Variants in AFDN observed in about 807,000 individuals in gnomAD.
AFDN encodes the protein afadin.
In AFDN, 68 loss-of-function variants were observed where a neutral mutation model predicts 216.6. The observed-to-expected ratio is 0.31, with a 90% CI of 0.26 to 0.38. The LOEUF (loss-of-function observed/expected upper bound fraction) is 0.38. Ranked by LOEUF, AFDN falls within the 10% of genes least tolerant of loss-of-function variation. The pLI is 1.00. For missense variants in AFDN, 2,136 were observed against 2,342.0 expected (o/e 0.91, Z 1.82); for synonymous variants, 868 against 853.7 (o/e 1.02, Z -0.29).
chr6:167,867,418 C>CT (rs975651161), intron 2 of AFDN, among the ~76,000 whole-genome samples: 3 of 148,462 alleles, frequency 2.0e-5, no homozygotes. Context: ...CGGACTAATT[C>CT]TTTTTTTTCT....
Position 167,963,019 on chromosome 6 carries a change from C to T in AFDN, c.4968+452C>T, listed in dbSNP as rs896578130. The T allele has an allele frequency of 4.6e-6, 5 of 1,081,910 alleles. No individual in the cohort carries two copies. In the African/African-American group the frequency reaches 8.1e-5, roughly 17 times the overall value. The allele number at this position is 1,081,910 out of a possible 1,614,324, so 67.0% of individuals were successfully genotyped here. A position where few individuals can be genotyped will look rare whatever the true frequency, so the allele number is the denominator to read the frequency against. ...AAATAGATGGTTTACTCAAATCACT[C>T]ACTTCTGGTTGATGGTAAAGAGAGC... On this transcript the variant is annotated intron_variant, in intron 31 of 33. Coordinates refer to ENST00000683244, the MANE Select transcript of AFDN (RefSeq NM_001386888.1).
rs1335572541 is a variant in AFDN, at chr6:167,925,125, C to G, written c.3099+34C>G. On this transcript the variant is annotated intron_variant, in intron 23 of 33. Transcript: ENST00000683244. ...ATTAGTCACGTGCGAGTTGTTCTCT[C>G]CAGTCTTTCGGCATTGAATCAGTGG... The G allele has an allele frequency of 3.4e-6, 5 of 1,465,580 alleles. No individual in the cohort carries two copies. The African/African-American group carries it at 4.2e-5, about 12-fold the overall frequency. The allele number at this position is 1,465,580 out of a possible 1,614,324, so 90.8% of individuals were successfully genotyped here.
chr6:167,871,712 A>G (rs1583229075), intron 3 of AFDN, among the ~76,000 whole-genome samples: 1 of 152,212 alleles, frequency 6.6e-6, no homozygotes, highest in East Asian at 1.9e-4. Flanking sequence ...CATAATACTT[A>G]CAACAGTTTC....
intron 29 of AFDN, among the ~76,000 whole-genome samples, chr6:167,950,062 T>C (rs1055674536): frequency 6.6e-6 from 1 of 152,214 alleles, no homozygotes; most frequent in Non-Finnish European, 1.5e-5. Flanking sequence ...TCTCTGTTTT[T>C]ATGTGGTCCA....
intron 31 of AFDN, chr6:167,964,009 G>A: frequency 9.4e-7 from 1 of 1,064,538 alleles, no homozygotes; most frequent in Non-Finnish European, 1.1e-6. Flanking sequence ...AGCCTCGGCG[G>A]GGGCAGCTGG....
intron 32 of AFDN, among the ~76,000 whole-genome samples, chr6:167,967,112 G>C (rs1006347228): frequency 1.3e-5 from 2 of 152,170 alleles, no homozygotes; most frequent in South Asian, 4.2e-4. Flanking sequence ...AATTCATAAG[G>C]ATTCAGATTT....
chr6:167,875,559 C>T (rs567300327), intron 5 of AFDN, 64 bp downstream of exon 5: 20 of 1,524,864 alleles, frequency 1.3e-5, no homozygotes, highest in South Asian at 3.7e-5. Flanking sequence ...TTACACTGTA[C>T]GTGCGTGAGA....
intron 1 of AFDN, among the ~76,000 whole-genome samples, chr6:167,840,020 T>C (rs918793183): frequency 1.5e-4 from 23 of 152,078 alleles, no homozygotes; most frequent in African/African-American, 5.6e-4. Flanking sequence ...CAGAATCTCA[T>C]TGTGGTGGAA....
chr6:167,872,435 TGC>T, intron 4 of AFDN, 58 bp downstream of exon 4: 1 of 1,533,570 alleles, frequency 6.5e-7, no homozygotes, highest in South Asian at 1.3e-5. Flanking sequence ...ATGTTTTTGT[TGC>T]ACCAAAATTG....
intron 2 of AFDN, among the ~76,000 whole-genome samples, chr6:167,865,889 C>G (rs936905650): frequency 6.6e-6 from 1 of 151,360 alleles, no homozygotes; most frequent in African/African-American, 2.4e-5. Flanking sequence ...TCAGGTGTGA[C>G]TAAATCCTTT....
chr6:167,902,340 A>G lies in AFDN; in HGVS notation c.1604A>G (p.Asp535Gly). 6.2e-7 allele frequency: 1 copy of G among 1,612,826 alleles called. No individual in the cohort carries two copies. Among genetic ancestry groups the G allele is most frequent in the Non-Finnish European group, 8.5e-7 (1 of 1,179,124 alleles). ...AGAATTGTTCAGGAGACAACTTTTGATTTGGGAGGAGATATTCATAGTGGG... is the reference window on the plus strand; with the variant it reads ...AGAATTGTTCAGGAGACAACTTTTGGTTTGGGAGGAGATATTCATAGTGGG... Reference protein sequence around the residue: ...KPGIVQETTFDLGGDIHSGTA... With the variant: ...KPGIVQETTFGLGGDIHSGTA... Residue 535 changes from aspartate to glycine, a missense_variant, in exon 12 of 34, where the codon GAT becomes GGT. Asp to Gly is a moderately conservative substitution (Grantham distance 94, BLOSUM62 -1). Transcript: ENST00000683244.
intron 33 of AFDN, among the ~76,000 whole-genome samples, chr6:167,969,552 G>T (rs1194028442): frequency 1.3e-5 from 2 of 152,170 alleles, no homozygotes; most frequent in Non-Finnish European, 2.9e-5. Flanking sequence ...AGTTTTTTGA[G>T]AGTTGACTAT....
intron 21 of AFDN, among the ~76,000 whole-genome samples, chr6:167,920,558 A>G (rs1053886536): frequency 2.0e-5 from 3 of 151,796 alleles, no homozygotes; most frequent in Admixed American, 6.6e-5. Flanking sequence ...CCACTTTTTC[A>G]TTGTATTCTA....
chr6:167,836,671 A>G (rs1255388412), intron 1 of AFDN, among the ~76,000 whole-genome samples: 2 of 152,212 alleles, frequency 1.3e-5, no homozygotes, highest in South Asian at 2.1e-4. Context: ...TAATTTATGG[A>G]TGAGTGCAAA....
intron 31 of AFDN, chr6:167,963,041 G>C (rs1797195523): frequency 1.9e-6 from 2 of 1,073,268 alleles, no homozygotes; most frequent in South Asian, 8.9e-5. Flanking sequence ...ATGGTAAAGA[G>C]AGCAGATGGC....
chr6:167,954,559 G>A (rs374247578), intron 30 of AFDN: 45 of 1,458,886 alleles, frequency 3.1e-5, no homozygotes, highest in African/African-American at 4.3e-5. Flanking sequence ...TTTCAGTGGT[G>A]GCTGTTTGAT....
At chr6:167,872,896 G>C (rs1229215749) in intron 4 of AFDN, among the ~76,000 whole-genome samples, 1 of 152,150 alleles carries the variant, frequency 6.6e-6, no homozygotes, top group Non-Finnish European at 1.5e-5. Flanking sequence ...TTAAGTGTTT[G>C]AGGATCTGAC....
chr6:167,951,183 C>T lies in AFDN; in HGVS notation c.3832-3C>T. ...AATATAATAATTCTTTTTCTTTTTG[C>T]AGCGTGTTACACGTTCCCAAGAAGA... On this transcript the variant is annotated splice_region_variant and splice_polypyrimidine_tract_variant and intron_variant, in intron 29 of 33. Coordinates refer to ENST00000683244, the MANE Select transcript of AFDN (RefSeq NM_001386888.1). The surrounding 1 kb of genome is among the most constrained non-coding windows in gnomAD (Gnocchi z 7.1). 1 of 1,521,136 alleles carries T rather than the reference C, an allele frequency of 6.6e-7. No individual in the cohort carries two copies. The highest frequency in any genetic ancestry group is 8.8e-7 in the Non-Finnish European group (1 of 1,135,698). The allele number at this position is 1,521,136 out of a possible 1,614,324, so 94.2% of individuals were successfully genotyped here. A position where few individuals can be genotyped will look rare whatever the true frequency, so the allele number is the denominator to read the frequency against.
intron 4 of AFDN, among the ~76,000 whole-genome samples, chr6:167,873,837 A>G (rs1785047806): frequency 6.6e-6 from 1 of 152,214 alleles, no homozygotes; most frequent in Non-Finnish European, 1.5e-5. Flanking sequence ...CCATTTTAAA[A>G]TTGATTCTAA....
Sources: allele counts gnomAD v4.1 joint callset (sites outside exome capture counted in the v4.1 genomes callset), GRCh38; gene constraint gnomAD v4.1.1; non-coding constraint Gnocchi (gnomAD v3.1); transcripts MANE v1.5; gene names NCBI Gene and HGNC (gene_info 2026-07-23, HGNC 2026-07-21).